Variants in COLGALT2 observed in about 807,000 individuals in gnomAD.
COLGALT2 encodes procollagen galactosyltransferase 2.
Under a neutral mutation model 73.4 loss-of-function variants are expected in COLGALT2, and 49 were observed. That is an observed-to-expected ratio of 0.67 (90% confidence interval 0.53 to 0.85). The LOEUF is 0.85. Ranked by LOEUF, COLGALT2 falls within the 40% of genes least tolerant of loss-of-function variation. The pLI is 0.00. For missense variants in COLGALT2, 722 were observed against 790.2 expected, an observed-to-expected ratio of 0.91 and a Z score of 1.03; for synonymous variants, 295 against 307.6, an observed-to-expected ratio of 0.96 and a Z score of 0.43.
intron 5 of COLGALT2, among the ~76,000 whole-genome samples, chr1:183,967,559 C>A (rs962788409): frequency 2.6e-5 from 4 of 152,192 alleles, no homozygotes; most frequent in Non-Finnish European, 5.9e-5. Context: ...TTTCCCATAC[C>A]AATATCCAGG....
At chr1:184,009,744 T>A (rs909574303) in intron 1 of COLGALT2, among the ~76,000 whole-genome samples, 2 of 152,194 alleles carry the variant, frequency 1.3e-5, no homozygotes, top group African/African-American at 4.8e-5. Context: ...CAGAGAGAGT[T>A]AAGACAAAAT....
rs534486400 is a variant in COLGALT2, at chr1:183,938,886, C to T, written c.1756G>A (p.Asp586Asn). The T allele has an allele frequency of 2.7e-5, 44 of 1,614,008 alleles. No homozygotes were observed. In the Admixed American group the frequency reaches 3.7e-4, roughly 13 times the overall value. The change falls in exon 12 of 12, where the codon GAC becomes AAC. Residue 586 changes from aspartate (D) to asparagine (N), a missense_variant. Coordinates refer to ENST00000361927, the MANE Select transcript of COLGALT2 (RefSeq NM_015101.4). ...TTCCAGGCATGTGTCCTATCCCAGT[C>T]GGTGGCCACTGTCTCATTGTCCCAG... ...TIWDNETVAT[D>N]WDRTHAWKSR...
chr1:183,994,449 C>A (rs890874359), intron 1 of COLGALT2, among the ~76,000 whole-genome samples: 5 of 150,940 alleles, frequency 3.3e-5, no homozygotes, highest in African/African-American at 1.2e-4. Flanking sequence ...GCCTAATTAA[C>A]CCTGCAAATT....
At position 183,953,930 on chromosome 1, in the gene COLGALT2, A is replaced by G. The variant is rs1670481294; in HGVS notation, c.1029+832T>C. On this transcript the variant is annotated intron_variant, in intron 7 of 11. Transcript: ENST00000361927. Reference sequence around the variant, plus strand: ...GTGATAAATAAGGCATCTTCCTTCGATTAATCAGTGGCAATTAGCACCAAG... The same window carrying G: ...GTGATAAATAAGGCATCTTCCTTCGGTTAATCAGTGGCAATTAGCACCAAG... Among the ~76,000 whole-genome samples the G allele has an allele frequency of 2.0e-5, 3 of 152,212 alleles. No homozygotes were observed. In the South Asian group the frequency reaches 6.2e-4, roughly 32 times the overall value.
In COLGALT2 at chr1:184,037,211, G is replaced by C; in HGVS notation, c.147C>G (p.Pro49=). The stretch of plus-strand genomic sequence containing the variant: ...CCACGAGCACCGTGGGGCTCTGCAG[G>C]GGCGACTCCGGGAAAACCACCGGCT... ...GEEPVVFPES[P]LQSPTVLVAV... The change falls in exon 1 of 12, where the codon CCC becomes CCG. Residue 49 remains proline, a synonymous_variant. Coordinates refer to ENST00000361927, the MANE Select transcript of COLGALT2 (RefSeq NM_015101.4). 1 of 1,602,662 alleles carries C rather than the reference G, an allele frequency of 6.2e-7. No homozygotes were observed. The highest frequency in any genetic ancestry group is 8.5e-7 in the Non-Finnish European group (1 of 1,176,226).
At chr1:183,940,554 G>T in intron 11 of COLGALT2, 27 bp downstream of exon 11, 2 of 1,603,550 alleles carry the variant, frequency 1.2e-6, no homozygotes, top group Middle Eastern at 1.7e-4. Context: ...GTGCCCAAGG[G>T]AAGGCAGGCA....
chr1:183,992,585 C>G (rs1316914231), intron 1 of COLGALT2, among the ~76,000 whole-genome samples: 1 of 152,092 alleles, frequency 6.6e-6, no homozygotes, highest in Non-Finnish European at 1.5e-5. Flanking sequence ...TGACTGTCCT[C>G]TTTAATATTG....
chr1:183,968,086 T>G (rs1041506863), intron 5 of COLGALT2, among the ~76,000 whole-genome samples: 2 of 152,240 alleles, frequency 1.3e-5, no homozygotes, highest in Non-Finnish European at 2.9e-5. Flanking sequence ...CATTCTCATC[T>G]GCCAGCCACT....
intron 1 of COLGALT2, among the ~76,000 whole-genome samples, chr1:183,981,583 CA>C (rs1442234284): frequency 5.9e-5 from 9 of 151,992 alleles, no homozygotes; most frequent in Admixed American, 3.3e-4. Context: ...CTTGAACCTG[CA>C]AGGTGGAGAT....
intron 1 of COLGALT2, among the ~76,000 whole-genome samples, chr1:183,983,487 C>T (rs1442634332): frequency 6.6e-6 from 1 of 152,218 alleles, no homozygotes; most frequent in Non-Finnish European, 1.5e-5. Flanking sequence ...AGGCCCTGGG[C>T]TATTCAGAGG....
At chr1:184,014,332 T>C (rs1170697235) in intron 1 of COLGALT2, among the ~76,000 whole-genome samples, 5 of 152,112 alleles carry the variant, frequency 3.3e-5, no homozygotes, top group African/African-American at 9.7e-5. Context: ...AAGGCACTGT[T>C]ATAAAAAAGG....
intron 1 of COLGALT2, among the ~76,000 whole-genome samples, chr1:184,002,487 G>A (rs1403290220): frequency 6.6e-6 from 1 of 152,234 alleles, no homozygotes; most frequent in Non-Finnish European, 1.5e-5. Flanking sequence ...CCCTAGGCAG[G>A]CTGCTGCTTT....
At chr1:183,977,812 A>AGAGAGAGAGAGAGAGAGAGAGAGAG (rs1553317022) in intron 2 of COLGALT2, among the ~76,000 whole-genome samples, 4 of 52,310 alleles carry the variant, frequency 7.6e-5, no homozygotes, top group African/African-American at 1.5e-4. Flanking sequence ...GAAAGAGAGA[A>AGAGAGAGAGAGAGAGAGAGAGAGAG]AGAGAGAGAG....
At chr1:184,016,815 G>C (rs1283229810) in intron 1 of COLGALT2, among the ~76,000 whole-genome samples, 2 of 152,122 alleles carry the variant, frequency 1.3e-5, no homozygotes, top group Non-Finnish European at 2.9e-5. Flanking sequence ...TATTTTATTA[G>C]TTAACTGCCT....
chr1:183,955,245 T>C (rs1670521267), intron 6 of COLGALT2, among the ~76,000 whole-genome samples: 1 of 152,186 alleles, frequency 6.6e-6, no homozygotes. Flanking sequence ...TGTATCTGTG[T>C]TATAAAATTT....
intron 1 of COLGALT2, among the ~76,000 whole-genome samples, chr1:184,012,283 C>T (rs904621874): frequency 1.3e-5 from 2 of 152,104 alleles, no homozygotes; most frequent in Admixed American, 6.6e-5. Flanking sequence ...ATTAGTAATA[C>T]AAACACAGAA....
intron 1 of COLGALT2, among the ~76,000 whole-genome samples, chr1:183,985,579 C>T (rs935367372): frequency 9.9e-5 from 15 of 152,260 alleles, no homozygotes; most frequent in African/African-American, 3.4e-4. Flanking sequence ...GGCCAGGACA[C>T]GGTACTTCTG....
rs1178606946 is a variant in COLGALT2, at chr1:183,945,575, T to A, written c.1137-11A>T. On this transcript the variant is annotated splice_polypyrimidine_tract_variant and intron_variant, in intron 8 of 11. Transcript: ENST00000361927. ...CTTGTGTTGAGTGCCCTGCATCACATAAAACACGTCTGGAGATTAACAAGT... is the reference window on the plus strand; with the variant it reads ...CTTGTGTTGAGTGCCCTGCATCACAAAAAACACGTCTGGAGATTAACAAGT... The A allele has an allele frequency of 9.9e-6, 16 of 1,613,786 alleles. No homozygotes were observed. The highest frequency in any genetic ancestry group is 2.2e-5 in the East Asian group (1 of 44,876).
intron 1 of COLGALT2, among the ~76,000 whole-genome samples, chr1:184,001,967 T>C (rs1671939527): frequency 6.6e-6 from 1 of 152,262 alleles, no homozygotes; most frequent in South Asian, 2.1e-4. Context: ...TTTATAAGGT[T>C]CTTCCAAGTA....
Sources: gnomAD v4.1 joint callset for allele counts (sites outside exome capture counted in the v4.1 genomes callset) on GRCh38, gnomAD v4.1.1 for gene constraint, MANE v1.5 for transcripts, NCBI Gene and HGNC (gene_info 2026-07-23, HGNC 2026-07-21) for gene names.